Variants in SDK1 observed in about 807,000 individuals in gnomAD.
The protein encoded by SDK1 is sidekick cell adhesion molecule 1, also known as protein sidekick-1.
In SDK1, 157 loss-of-function variants were observed where a neutral mutation model predicts 245.5. That is an observed-to-expected ratio of 0.64 (90% CI 0.56 to 0.73). SDK1 has a LOEUF of 0.73. Ranked by LOEUF, SDK1 falls within the 30% of genes least tolerant of loss-of-function variation. The pLI, the probability that SDK1 is intolerant of heterozygous loss-of-function variation, is 0.00. For synonymous variants in SDK1, 1,647 were observed against 1,278.5 expected, an observed-to-expected ratio of 1.29 and a Z score of -6.15; for missense variants, 3,583 against 3,002.3, an observed-to-expected ratio of 1.19 and a Z score of -4.52.
At chr7:4,183,588 C>T (rs896481033) in intron 35 of SDK1, among the ~76,000 whole-genome samples, 1 of 150,158 alleles carries the variant, frequency 6.7e-6, no homozygotes, top group Non-Finnish European at 1.5e-5. Flanking sequence ...TTGCAGTAAG[C>T]CAAAATCGCA....
intron 1 of SDK1, among the ~76,000 whole-genome samples, chr7:3,617,176 A>G (rs1781797863): frequency 6.6e-6 from 1 of 152,220 alleles, no homozygotes; most frequent in Non-Finnish European, 1.5e-5. Flanking sequence ...GGTTTCCAGC[A>G]CAAAGTAAAT....
intron 1 of SDK1, among the ~76,000 whole-genome samples, chr7:3,400,196 AG>A (rs1778850416): frequency 6.6e-6 from 1 of 152,118 alleles, no homozygotes; most frequent in African/African-American, 2.4e-5. Flanking sequence ...AATGGAGCTT[AG>A]GAGAGAGGGA....
At chr7:3,633,328 C>G (rs1562617905) in intron 2 of SDK1, among the ~76,000 whole-genome samples, 1 of 152,166 alleles carries the variant, frequency 6.6e-6, no homozygotes, top group African/African-American at 2.4e-5. Context: ...ATTAAGTTCC[C>G]TGACCACCTA....
At position 3,977,381 on chromosome 7, in the gene SDK1, G is replaced by A. The variant is rs1193968973; in HGVS notation, c.1994+2836G>A. 3.1e-4 allele frequency among the ~76,000 whole-genome samples: 31 copies of A among 101,280 alleles called. 1 individual carries two copies. Among genetic ancestry groups the A allele is most frequent in the African/African-American group, 4.7e-4 (13 of 27,472 alleles). The allele number at this position is 101,280 out of a possible 152,430, so 66.4% of individuals were successfully genotyped here. ...CGGGGCTGAGGCTGCCACACAGACG[G>A]TCCTCCAGAGAATCACTGGGGGTCC... On this transcript the variant is annotated intron_variant, in intron 13 of 44. Coordinates refer to ENST00000404826, the MANE Select transcript of SDK1 (RefSeq NM_152744.4).
intron 34 of SDK1, among the ~76,000 whole-genome samples, chr7:4,176,913 C>T (rs74957998): frequency 0.028 from 4,225 of 152,342 alleles, 78 homozygotes; most frequent in Non-Finnish European, 0.043. Context: ...CGTTGTTTCT[C>T]CTTTGATTCC....
At chr7:4,082,362 C>T (rs1164289251) in intron 22 of SDK1, among the ~76,000 whole-genome samples, 2 of 151,904 alleles carry the variant, frequency 1.3e-5, no homozygotes, top group Admixed American at 6.6e-5. Flanking sequence ...ATGTGAAACC[C>T]CATCTCTACT....
chr7:3,454,485 A>G (rs1391916690), intron 1 of SDK1, among the ~76,000 whole-genome samples: 1 of 150,682 alleles, frequency 6.6e-6, no homozygotes, highest in East Asian at 1.9e-4. Context: ...TCCACAGTCA[A>G]GATACAAAAT....
intron 19 of SDK1, among the ~76,000 whole-genome samples, chr7:4,064,465 G>A (rs1259306952): frequency 6.6e-6 from 1 of 152,132 alleles, no homozygotes; most frequent in Non-Finnish European, 1.5e-5. Context: ...TACACTGTTG[G>A]TGATGATGTA....
chr7:4,162,356 G>GTT (rs1781191079), intron 32 of SDK1, among the ~76,000 whole-genome samples: 34 of 121,960 alleles, frequency 2.8e-4, no homozygotes, highest in African/African-American at 1.1e-3. Context: ...TGGTGGTGGT[G>GTT]GTTGTTGTTG....
At chr7:3,942,456 CTG>C (rs1181463773) in intron 5 of SDK1, among the ~76,000 whole-genome samples, 3 of 152,170 alleles carry the variant, frequency 2.0e-5, no homozygotes, top group African/African-American at 7.2e-5. Flanking sequence ...ATTTTTCTAA[CTG>C]TTATCTTATC....
chr7:3,859,366 C>G (rs944572883), intron 5 of SDK1, among the ~76,000 whole-genome samples: 1 of 152,090 alleles, frequency 6.6e-6, no homozygotes, highest in African/African-American at 2.4e-5. Context: ...TGCAGTTCTT[C>G]CATAGTGAAA....
chr7:3,745,708 C>T (rs1227190352), intron 4 of SDK1, among the ~76,000 whole-genome samples: 1 of 152,114 alleles, frequency 6.6e-6, no homozygotes, highest in African/African-American at 2.4e-5. Flanking sequence ...CCTCATTGCC[C>T]CTGCCGTTTA....
intron 1 of SDK1, among the ~76,000 whole-genome samples, chr7:3,533,886 A>T (rs1411918124): frequency 2.0e-5 from 3 of 151,604 alleles, no homozygotes; most frequent in African/African-American, 2.4e-5. Context: ...TCCATTTATT[A>T]AAAAAACTGT....
At chr7:4,102,354 A>G (rs1235989673) in intron 22 of SDK1, among the ~76,000 whole-genome samples, 1 of 152,060 alleles carries the variant, frequency 6.6e-6, no homozygotes, top group Admixed American at 6.5e-5. Flanking sequence ...GTGTCTGTGG[A>G]AGTTGCTAGA....
intron 4 of SDK1, among the ~76,000 whole-genome samples, chr7:3,660,473 GGA>G (rs144612360): frequency 6.6e-6 from 1 of 151,984 alleles, no homozygotes; most frequent in South Asian, 2.1e-4. Flanking sequence ...AGACAGAAGT[GGA>G]GAGAGAGAGA....
At chr7:4,172,386 C>T (rs1402227067) in intron 32 of SDK1, among the ~76,000 whole-genome samples, 1 of 152,224 alleles carries the variant, frequency 6.6e-6, no homozygotes, top group Non-Finnish European at 1.5e-5. Context: ...GTTGCTACCA[C>T]AGTGCAAGCC....
At chr7:3,915,884 G>A (rs4723269) in intron 5 of SDK1, among the ~76,000 whole-genome samples, 57,526 of 152,020 alleles carry the variant, frequency 0.38, 12,416 homozygotes, top group African/African-American at 0.6. Context: ...TTTATTTAGT[G>A]AACTACAGTT....
At chr7:3,995,504 C>T (rs945284806) in intron 14 of SDK1, among the ~76,000 whole-genome samples, 1 of 152,220 alleles carries the variant, frequency 6.6e-6, no homozygotes, top group African/African-American at 2.4e-5. Context: ...TGAGTTGCCT[C>T]AGCAGTGCTG....
chr7:3,857,174 A>T (rs886432171), intron 5 of SDK1, among the ~76,000 whole-genome samples: 1 of 152,174 alleles, frequency 6.6e-6, no homozygotes, highest in African/African-American at 2.4e-5. Flanking sequence ...GAAACAACAT[A>T]CTGATAAATT....
Sources: allele counts gnomAD v4.1 joint callset (sites outside exome capture counted in the v4.1 genomes callset), GRCh38; gene constraint gnomAD v4.1.1; transcripts MANE v1.5; gene names NCBI Gene and HGNC (gene_info 2026-07-23, HGNC 2026-07-21).